N4BP2L2: variants seen among roughly 807,000 people sequenced by gnomAD.
N4BP2L2 encodes the protein NEDD4 binding protein 2 like 2.
N4BP2L2 carries 50 observed loss-of-function variants against 56.2 expected under a neutral mutation model. That is an observed-to-expected ratio of 0.89 (90% confidence interval 0.71 to 1.13). The LOEUF is 1.13. Ranked by LOEUF, N4BP2L2 falls within the 50% of genes most tolerant of loss-of-function variation. N4BP2L2 has a pLI of 0.00. For synonymous variants in N4BP2L2, 203 were observed against 223.6 expected (o/e 0.91, Z 0.82); for missense variants, 689 against 693.8 (o/e 0.99, Z 0.08).
intron 8 of N4BP2L2, among the ~76,000 whole-genome samples, chr13:32,438,416 G>T (rs890008723): frequency 2.0e-5 from 3 of 152,142 alleles, no homozygotes; most frequent in South Asian, 4.2e-4. Context: ...TAGAACAGTG[G>T]TTTCTATTTG....
Position 32,484,300 on chromosome 13 carries a change from C to T in N4BP2L2, c.365+33557G>A, listed in dbSNP as rs368728876. Among the ~76,000 whole-genome samples, 4 of 152,148 alleles carry T rather than the reference C, an allele frequency of 2.6e-5. No individual in the cohort carries two copies. In the East Asian group the frequency reaches 7.7e-4, roughly 29 times the overall value. ...CGAGATCATGCCACTGCACTGCAGG[C>T]TGGGTGACAGAGAAAGACCCTGACT... On this transcript the variant is annotated intron_variant, in intron 6 of 9. Transcript: ENST00000357505.
chr13:32,481,632 G>A (rs922099955), intron 6 of N4BP2L2, among the ~76,000 whole-genome samples: 3 of 152,092 alleles, frequency 2.0e-5, no homozygotes, highest in Non-Finnish European at 2.9e-5. Context: ...TATTTCATTG[G>A]GTTTTGAAAG....
At chr13:32,491,473 A>G (rs2087037222) in intron 6 of N4BP2L2, among the ~76,000 whole-genome samples, 1 of 150,322 alleles carries the variant, frequency 6.7e-6, no homozygotes. Flanking sequence ...TCTAGGCTAC[A>G]AAGTAGTTAT....
chr13:32,488,354 C>T (rs935011752), intron 6 of N4BP2L2, among the ~76,000 whole-genome samples: 5 of 152,098 alleles, frequency 3.3e-5, no homozygotes, highest in Admixed American at 2.6e-4. Context: ...GGGAGCTAAA[C>T]ACTGGGCACA....
At chr13:32,489,836 TCA>T (rs1227274416) in intron 6 of N4BP2L2, among the ~76,000 whole-genome samples, 1 of 151,944 alleles carries the variant, frequency 6.6e-6, no homozygotes, top group African/African-American at 2.4e-5. Flanking sequence ...CAACATTGCT[TCA>T]CAGATACCTA....
At chr13:32,449,763 C>G (rs1239171096) in intron 6 of N4BP2L2, among the ~76,000 whole-genome samples, 2 of 152,166 alleles carry the variant, frequency 1.3e-5, no homozygotes, top group South Asian at 2.1e-4. Flanking sequence ...ATAAATTTCA[C>G]TGAGACTCCC....
At chr13:32,473,678 T>G (rs9595595) in intron 6 of N4BP2L2, among the ~76,000 whole-genome samples, 41,718 of 152,062 alleles carry the variant, frequency 0.27, 6,856 homozygotes, top group Non-Finnish European at 0.37. Context: ...CAGTCTCTTT[T>G]CCAGAGGCCA....
At chr13:32,463,125 G>A (rs1407616360) in intron 6 of N4BP2L2, among the ~76,000 whole-genome samples, 1 of 151,952 alleles carries the variant, frequency 6.6e-6, no homozygotes, top group African/African-American at 2.4e-5. Flanking sequence ...AAGTACAAAA[G>A]AGACCCAAAT....
intron 6 of N4BP2L2, among the ~76,000 whole-genome samples, chr13:32,482,668 A>G (rs2085016604): frequency 1.3e-5 from 2 of 152,012 alleles, no homozygotes; most frequent in Admixed American, 1.3e-4. Context: ...GCCTGGCCTT[A>G]GACTCTTTAC....
intron 4 of N4BP2L2, 199 bp downstream of exon 4, chr13:32,521,983 C>T: frequency 1.9e-6 from 1 of 514,328 alleles, no homozygotes; most frequent in Non-Finnish European, 3.3e-6. Flanking sequence ...CTCAAAAAAA[C>T]AAACAAAAAT....
At chr13:32,472,677 G>C (rs546711713) in intron 6 of N4BP2L2, among the ~76,000 whole-genome samples, 1 of 152,274 alleles carries the variant, frequency 6.6e-6, no homozygotes, top group African/African-American at 2.4e-5. Flanking sequence ...CTCCAGAAAG[G>C]TCACACCCGT....
intron 6 of N4BP2L2, chr13:32,444,252 C>T (rs1457999624): frequency 2.8e-5 from 18 of 638,958 alleles, no homozygotes; most frequent in South Asian, 1.0e-4. Flanking sequence ...CAAGTGTGCA[C>T]GTACTTTTTC....
chr13:32,446,851 C>T, intron 6 of N4BP2L2, among the ~76,000 whole-genome samples: 1 of 152,038 alleles, frequency 6.6e-6, no homozygotes, highest in Non-Finnish European at 1.5e-5. Context: ...ACCTAATCTT[C>T]AAAACTGTAT....
At chr13:32,536,683 C>T in exon 2 of N4BP2L2, 1 of 1,614,130 alleles carries the variant, frequency 6.2e-7, no homozygotes, top group Non-Finnish European at 8.5e-7. Context: ...TGCTATATAT[C>T]TCATCGTCTG....
intron 6 of N4BP2L2, among the ~76,000 whole-genome samples, chr13:32,472,062 T>C (rs1202366000): frequency 6.6e-6 from 1 of 152,124 alleles, no homozygotes; most frequent in African/African-American, 2.4e-5. Flanking sequence ...AATGACACCA[T>C]GAGGAAAACA....
intron 6 of N4BP2L2, among the ~76,000 whole-genome samples, chr13:32,480,010 TA>T (rs890669662): frequency 2.6e-5 from 4 of 151,004 alleles, no homozygotes; most frequent in African/African-American, 9.8e-5. Context: ...TCCCACAGAT[TA>T]AAAAAAAATG....
At chr13:32,500,181 A>G (rs1439506217) in intron 6 of N4BP2L2, among the ~76,000 whole-genome samples, 1 of 152,128 alleles carries the variant, frequency 6.6e-6, no homozygotes, top group East Asian at 1.9e-4. Context: ...CCTTGCTCCC[A>G]AAAGAATTCA....
chr13:32,440,855 T>TC (rs1417154155), intron 7 of N4BP2L2, among the ~76,000 whole-genome samples: 1 of 150,458 alleles, frequency 6.6e-6, no homozygotes, highest in Non-Finnish European at 1.5e-5. Flanking sequence ...AACAATCTTT[T>TC]TTTTTTTTTT....
chr13:32,494,757 C>G (rs1381721503), intron 6 of N4BP2L2, among the ~76,000 whole-genome samples: 2 of 152,116 alleles, frequency 1.3e-5, no homozygotes, highest in Admixed American at 1.3e-4. Flanking sequence ...CAGAGTAACC[C>G]AGGTTCTCTA....
Sources: allele counts gnomAD v4.1 joint callset (sites outside exome capture counted in the v4.1 genomes callset), GRCh38; gene constraint gnomAD v4.1.1; transcripts MANE v1.5; gene names NCBI Gene and HGNC (gene_info 2026-07-23, HGNC 2026-07-21).